Variants in PRICKLE2 observed in about 807,000 individuals in gnomAD.
The protein encoded by PRICKLE2 is prickle-like protein 2.
PRICKLE2 carries 21 observed loss-of-function variants against 81.4 expected under a neutral mutation model. The ratio of observed to expected loss-of-function variants is 0.26; its 90% CI spans 0.18 to 0.37. The LOEUF is 0.37. Among genes scored for constraint, PRICKLE2 ranks in the 10% least tolerant of loss-of-function variants. The probability of loss-of-function intolerance (pLI) is 1.00; values close to 1 mark genes in which losing one functional copy is unlikely to be tolerated. For missense variants in PRICKLE2, 940 were observed against 1,109.0 expected (o/e 0.85, Z 2.16); for synonymous variants, 456 against 421.5 (o/e 1.08, Z -1.00).
rs188456470 is a variant in PRICKLE2 at position 64,124,407 on chromosome 3, T to C, written c.1660+22423A>G. The stretch of plus-strand genomic sequence containing the variant: ...CAGAAGGTCTACATAAGATCACTGA[T>C]GACGATAGCTACACTAAACAGATTT... On this transcript the variant is annotated intron_variant, in intron 7 of 7. Transcript: ENST00000638394. 3.5e-4 allele frequency among the ~76,000 whole-genome samples: 53 copies of C among 152,332 alleles called. No individual in the cohort carries two copies. The East Asian group carries it at 0.01, about 29-fold the overall frequency.
chr3:64,114,621 C>A (rs755532721), intron 7 of PRICKLE2, among the ~76,000 whole-genome samples: 1 of 150,906 alleles, frequency 6.6e-6, no homozygotes. Context: ...AAAAGAATCT[C>A]AGAGCTTGAA....
intron 2 of PRICKLE2, among the ~76,000 whole-genome samples, chr3:64,195,405 A>T (rs1320197607): frequency 6.6e-6 from 1 of 152,254 alleles, no homozygotes; most frequent in African/African-American, 2.4e-5. Context: ...ATAAAATAAT[A>T]AAGAGTATCA....
At chr3:64,248,877 T>G (rs145851840) in intron 2 of PRICKLE2, among the ~76,000 whole-genome samples, 33 of 151,776 alleles carry the variant, frequency 2.2e-4, no homozygotes, top group Admixed American at 1.6e-3. Context: ...GAAAATGAGT[T>G]GAGAATTTAA....
At chr3:64,178,891 G>T (rs925910939) in intron 2 of PRICKLE2, among the ~76,000 whole-genome samples, 1 of 151,918 alleles carries the variant, frequency 6.6e-6, no homozygotes, top group African/African-American at 2.4e-5. Flanking sequence ...TTAACTTATG[G>T]CCAACAGCAC....
At chr3:64,137,908 G>A (rs2077301885) in intron 7 of PRICKLE2, among the ~76,000 whole-genome samples, 1 of 152,116 alleles carries the variant, frequency 6.6e-6, no homozygotes, top group African/African-American at 2.4e-5. Context: ...ACCATTGAGT[G>A]AGAAGGCTGG....
At chr3:64,219,572 G>A (rs1311457244) in intron 1 of PRICKLE2, among the ~76,000 whole-genome samples, 1 of 152,186 alleles carries the variant, frequency 6.6e-6, no homozygotes, top group African/African-American at 2.4e-5. Flanking sequence ...CACATTAAAA[G>A]CAGAAGGTGA....
intron 5 of PRICKLE2, chr3:64,153,652 G>T (rs1559543670): frequency 2.6e-6 from 1 of 391,862 alleles, no homozygotes; most frequent in Non-Finnish European, 4.7e-6. Flanking sequence ...TATAAGGCAG[G>T]ATCAAAAACT....
chr3:64,262,616 G>A (rs1014377739), intron 2 of PRICKLE2, among the ~76,000 whole-genome samples: 3 of 151,294 alleles, frequency 2.0e-5, no homozygotes, highest in Non-Finnish European at 2.9e-5. Context: ...AGGCAGGAGC[G>A]GCTGACCTAA....
At chr3:64,223,844 G>A (rs113937277) in intron 1 of PRICKLE2, among the ~76,000 whole-genome samples, 13 of 152,164 alleles carry the variant, frequency 8.5e-5, no homozygotes, top group African/African-American at 2.9e-4. Context: ...CAGCCAATTT[G>A]GCCTCTAGCA....
Position 64,163,710 on chromosome 3 carries a change from C to T in PRICKLE2, c.145-581G>A, listed in dbSNP as rs751246965. The stretch of plus-strand genomic sequence containing the variant: ...CAGAGCATGTAATTAAAAATTGTCA[C>T]TAACATGAGGATTTTTGCACATCCC... On this transcript the variant is annotated intron_variant, in intron 2 of 7. Coordinates refer to ENST00000638394, the MANE Select transcript of PRICKLE2 (RefSeq NM_198859.4). The T allele has an allele frequency of 3.7e-4, 61 of 165,478 alleles. 1 individual carries two copies. The highest frequency in any genetic ancestry group is 1.3e-4 in the Non-Finnish European group (10 of 75,018). The allele number at this position is 165,478 out of a possible 1,614,324, so 10.3% of individuals were successfully genotyped here. A position where few individuals can be genotyped will look rare whatever the true frequency, so the allele number is the denominator to read the frequency against.
intron 7 of PRICKLE2, among the ~76,000 whole-genome samples, chr3:64,126,349 T>C (rs1356476316): frequency 2.0e-5 from 3 of 152,202 alleles, no homozygotes; most frequent in East Asian, 1.9e-4. Flanking sequence ...CTAGAAGTCA[T>C]GGCAGGTATG....
chr3:64,106,241 CA>C (rs1392783970), intron 7 of PRICKLE2, among the ~76,000 whole-genome samples: 10 of 152,132 alleles, frequency 6.6e-5, no homozygotes, highest in African/African-American at 1.4e-4. Context: ...TGTGCTGGGG[CA>C]GAGACATGAA....
At chr3:64,205,488 G>C (rs1369126387) in intron 1 of PRICKLE2, among the ~76,000 whole-genome samples, 1 of 152,174 alleles carries the variant, frequency 6.6e-6, no homozygotes, top group Non-Finnish European at 1.5e-5. Context: ...TTCATCATGA[G>C]TAGACTGGGG....
At chr3:64,213,685 T>C (rs2078828583) in intron 1 of PRICKLE2, among the ~76,000 whole-genome samples, 1 of 152,180 alleles carries the variant, frequency 6.6e-6, no homozygotes, top group African/African-American at 2.4e-5. Context: ...TTTGGGGGTG[T>C]GATTTCTCCA....
chr3:64,152,476 A>G (rs902057352), intron 6 of PRICKLE2, among the ~76,000 whole-genome samples: 19 of 152,164 alleles, frequency 1.2e-4, no homozygotes, highest in African/African-American at 4.6e-4. Context: ...CAGATCTGCC[A>G]CTTATTGGGG....
intron 2 of PRICKLE2, among the ~76,000 whole-genome samples, chr3:64,175,372 T>C (rs1045629343): frequency 1.3e-5 from 2 of 152,212 alleles, no homozygotes; most frequent in African/African-American, 2.4e-5. Context: ...AATATCTTGA[T>C]GGCTAGCTAG....
At chr3:64,193,388 A>G (rs1206410361) in intron 2 of PRICKLE2, among the ~76,000 whole-genome samples, 1 of 152,130 alleles carries the variant, frequency 6.6e-6, no homozygotes. Flanking sequence ...TCTCCCAAAC[A>G]TACATTTCCA....
chr3:64,242,189 CAAAT>C (rs1400758361), intron 2 of PRICKLE2, among the ~76,000 whole-genome samples: 4 of 152,196 alleles, frequency 2.6e-5, no homozygotes, highest in African/African-American at 7.2e-5. Context: ...CACACTACCG[CAAAT>C]AAATAAATAA....
chr3:64,115,177 C>G (rs1181814941), intron 7 of PRICKLE2, among the ~76,000 whole-genome samples: 3 of 152,178 alleles, frequency 2.0e-5, no homozygotes, highest in Non-Finnish European at 4.4e-5. Flanking sequence ...ACTAGACCTG[C>G]CTTACAAGAG....
Sources: allele counts gnomAD v4.1 joint callset (sites outside exome capture counted in the v4.1 genomes callset), GRCh38; gene constraint gnomAD v4.1.1; transcripts MANE v1.5; gene names NCBI Gene and HGNC (gene_info 2026-07-23, HGNC 2026-07-21).